The following ZPBP variants were observed in gnomAD, a reference collection of about 807,000 sequenced individuals.
The protein encoded by ZPBP is zona pellucida binding protein, also known as zona pellucida-binding protein 1.
Under a neutral mutation model 44.8 loss-of-function variants are expected in ZPBP, and 26 were observed. The observed-to-expected ratio is 0.58, with a 90% CI of 0.43 to 0.81. The LOEUF is 0.81. Among genes scored for constraint, ZPBP ranks in the 30% least tolerant of loss-of-function variants. ZPBP has a pLI of 0.00. For missense variants in ZPBP, 409 were observed against 434.0 expected (o/e 0.94, Z 0.51); for synonymous variants, 174 against 153.2 (o/e 1.14, Z -1.00).
intron 1 of ZPBP, among the ~76,000 whole-genome samples, chr7:49,923,308 C>T (rs1794101632): frequency 6.6e-6 from 1 of 152,148 alleles, no homozygotes; most frequent in Non-Finnish European, 1.5e-5. Context: ...CCAGAGGAAA[C>T]AGATTCCATG....
At chr7:50,001,194 T>A (rs12718231) in intron 6 of ZPBP, among the ~76,000 whole-genome samples, 33,931 of 152,108 alleles carry the variant, frequency 0.22, 4,744 homozygotes, top group African/African-American at 0.39. Context: ...AATAAACTAA[T>A]CTTTCATCTT....
intron 7 of ZPBP, among the ~76,000 whole-genome samples, chr7:49,972,434 G>A (rs901220660): frequency 6.6e-6 from 1 of 151,902 alleles, no homozygotes; most frequent in Non-Finnish European, 1.5e-5. Context: ...CTGCATTTCT[G>A]TACATTAGCA....
intron 7 of ZPBP, among the ~76,000 whole-genome samples, chr7:49,947,862 T>G (rs1795169612): frequency 6.6e-6 from 1 of 152,214 alleles, no homozygotes; most frequent in South Asian, 2.1e-4. Context: ...GACTGGAATC[T>G]ACCTGGTCCT....
In ZPBP at chr7:50,077,898, C is replaced by A. The variant is rs571877617; in HGVS notation, c.334+3876G>T. ...CAGCAATCTCCCTTCTTGGTACATA[C>A]CCACAAGAAAGGAAATCAATATATT... On this transcript the variant is annotated intron_variant, in intron 3 of 7. Transcript: ENST00000046087. Among the ~76,000 whole-genome samples, 15 of 151,828 alleles carry A rather than the reference C, an allele frequency of 9.9e-5. No individual in the cohort carries two copies. In the South Asian group the frequency reaches 2.9e-3, roughly 29 times the overall value.
chr7:50,038,685 T>A (rs963391737), intron 4 of ZPBP, among the ~76,000 whole-genome samples: 50 of 152,336 alleles, frequency 3.3e-4, no homozygotes, highest in African/African-American at 1.1e-3. Flanking sequence ...TGCTGCATAA[T>A]TATGTTTTGG....
intron 5 of ZPBP, among the ~76,000 whole-genome samples, chr7:50,030,245 GGA>G (rs1799543436): frequency 6.6e-6 from 1 of 152,024 alleles, no homozygotes; most frequent in Non-Finnish European, 1.5e-5. Context: ...GGAAGGACAG[GGA>G]AGGGAAGGGG....
At chr7:49,980,539 G>A (rs1170172122) in intron 7 of ZPBP, among the ~76,000 whole-genome samples, 1 of 151,660 alleles carries the variant, frequency 6.6e-6, no homozygotes, top group Non-Finnish European at 1.5e-5. Flanking sequence ...CATTCGGTGA[G>A]GGCCTCGGGC....
Position 49,915,919 on chromosome 7 carries a change from T to C in ZPBP, n.412-14704A>G, listed in dbSNP as rs75838103. On this transcript the variant is annotated intron_variant and non_coding_transcript_variant, in intron 1 of 2. Transcript: ENST00000465922. ...TGTCTTACTGAACCTACTTACCTAC[T>C]ATATTTTTTTTCCTCACTAGTAGCA... is the stretch of plus-strand genomic sequence containing the variant. 162 of 152,308 alleles carry C rather than the reference T, an allele frequency of 1.1e-3. 3 individuals carry two copies. In the East Asian group the frequency reaches 0.03, roughly 28 times the overall value. 9.4% of individuals were successfully genotyped at this position (152,308 alleles called of 1,614,324 possible).
intron 2 of ZPBP, among the ~76,000 whole-genome samples, chr7:49,882,247 C>A (rs1791700444): frequency 6.6e-6 from 1 of 151,974 alleles, no homozygotes; most frequent in Non-Finnish European, 1.5e-5. Flanking sequence ...CCAGAGTTTT[C>A]AATTAGGAGG....
At chr7:50,069,815 C>T (rs1371067985) in intron 3 of ZPBP, among the ~76,000 whole-genome samples, 1 of 152,062 alleles carries the variant, frequency 6.6e-6, no homozygotes, top group East Asian at 1.9e-4. Flanking sequence ...AGGAACGTGC[C>T]TTCCCCTGTC....
chr7:49,988,649 T>C (rs1797428965), intron 6 of ZPBP, among the ~76,000 whole-genome samples: 1 of 152,210 alleles, frequency 6.6e-6, no homozygotes, highest in Non-Finnish European at 1.5e-5. Context: ...CAGATAATTG[T>C]TGTCTTATTT....
chr7:49,922,718 C>T (rs530633859), intron 1 of ZPBP, among the ~76,000 whole-genome samples: 7 of 152,238 alleles, frequency 4.6e-5, no homozygotes, highest in Admixed American at 2.0e-4. Flanking sequence ...TATACAAAGG[C>T]GGGTAACCTC....
intron 2 of ZPBP, among the ~76,000 whole-genome samples, chr7:50,086,601 T>C (rs1442906125): frequency 6.6e-6 from 1 of 151,680 alleles, no homozygotes. Flanking sequence ...AATAGCAAAC[T>C]GAGAAGGCAG....
At chr7:50,079,767 G>C (rs1479833927) in intron 3 of ZPBP, among the ~76,000 whole-genome samples, 1 of 151,704 alleles carries the variant, frequency 6.6e-6, no homozygotes, top group Non-Finnish European at 1.5e-5. Flanking sequence ...ATAGCTTGAT[G>C]TAGGAAAGCT....
At position 49,978,832 on chromosome 7, in the gene ZPBP, T is replaced by C. The variant is rs924044053; in HGVS notation, c.961+4510A>G. Among the ~76,000 whole-genome samples the C allele has an allele frequency of 2.0e-5, 3 of 152,174 alleles. No homozygotes were observed. The East Asian group carries it at 5.8e-4, about 29-fold the overall frequency. On this transcript the variant is annotated intron_variant, in intron 7 of 7. Coordinates refer to ENST00000046087, the MANE Select transcript of ZPBP (RefSeq NM_007009.3). ...TTAAGTATCTTTTTGAGTAGTTATA[T>C]GCTTTTCTAAAACGTTAGGGTGATA...
chr7:50,029,717 G>A (rs1465022435), intron 5 of ZPBP, among the ~76,000 whole-genome samples: 1 of 152,194 alleles, frequency 6.6e-6, no homozygotes, highest in Non-Finnish European at 1.5e-5. Flanking sequence ...CACAGGAAAA[G>A]ATGCTCAACA....
chr7:49,877,480 AAATATAT>A (rs1365758786), intron 2 of ZPBP, among the ~76,000 whole-genome samples: 12 of 23,504 alleles, frequency 5.1e-4, no homozygotes, highest in African/African-American at 2.3e-3. Flanking sequence ...AAAAAAAAAA[AAATATAT>A]ATATATATAT....
At chr7:49,857,149 A>T (rs779096731) in intron 2 of ZPBP, among the ~76,000 whole-genome samples, 1 of 152,082 alleles carries the variant, frequency 6.6e-6, no homozygotes, top group Non-Finnish European at 1.5e-5. Context: ...TATCTTGCAT[A>T]ACTGAAACTT....
intron 4 of ZPBP, among the ~76,000 whole-genome samples, chr7:50,054,915 C>CA (rs1800859678): frequency 6.6e-6 from 1 of 151,928 alleles, no homozygotes; most frequent in African/African-American, 2.4e-5. Flanking sequence ...CACCAAAGTC[C>CA]AAAAAATGCA....
Sources: allele counts gnomAD v4.1 joint callset (sites outside exome capture counted in the v4.1 genomes callset), GRCh38; gene constraint gnomAD v4.1.1; transcripts MANE v1.5; gene names NCBI Gene and HGNC (gene_info 2026-07-23, HGNC 2026-07-21).